TMEM245: variants seen among roughly 807,000 people sequenced by gnomAD.
TMEM245 encodes protein CG-2.
TMEM245 carries 69 observed loss-of-function variants against 101.2 expected under a neutral mutation model. That is an observed-to-expected ratio of 0.68 (90% CI 0.56 to 0.83). The LOEUF is 0.83. Among genes scored for constraint, TMEM245 ranks in the 40% least tolerant of loss-of-function variants. The pLI, the probability that TMEM245 is intolerant of heterozygous loss-of-function variation, is 0.00. For missense variants in TMEM245, 1,075 were observed against 1,092.8 expected (o/e 0.98, Z 0.23); for synonymous variants, 537 against 449.8 (o/e 1.19, Z -2.45).
Position 109,032,365 on chromosome 9 carries a change from C to CTTTTTTTTTTTTTTTTTTTTTTTT in TMEM245, c.2594+918_2594+941dup, listed in dbSNP as rs755399182. Among the ~76,000 whole-genome samples, 30 of 40,980 alleles carry CTTTTTTTTTTTTTTTTTTTTTTTT rather than the reference C, an allele frequency of 7.3e-4. 11 individuals are homozygous for CTTTTTTTTTTTTTTTTTTTTTTTT. The highest frequency in any genetic ancestry group is 0.04 in the Middle Eastern group (2 of 50). The allele number at this position is 40,980 out of a possible 152,430, so 26.9% of individuals were successfully genotyped here. On this transcript the variant is annotated intron_variant, in intron 17 of 17. Coordinates refer to ENST00000374586, the MANE Select transcript of TMEM245 (RefSeq NM_032012.4). ...GCATTTGGTTGTCCTATTTCTTTTC[C>CTTTTTTTTTTTTTTTTTTTTTTTT]TTTTTTTTTTTTTTTTTTTTTTTTT...
intron 17 of TMEM245, among the ~76,000 whole-genome samples, chr9:109,028,825 G>C (rs1351103451): frequency 6.6e-6 from 1 of 152,042 alleles, no homozygotes; most frequent in Non-Finnish European, 1.5e-5. Context: ...ACAACTACAA[G>C]GAAATGAATT....
chr9:109,106,360 C>G (rs1830424014), intron 3 of TMEM245, 148 bp downstream of exon 3: 1 of 460,626 alleles, frequency 2.2e-6, no homozygotes, highest in Non-Finnish European at 3.7e-6. Flanking sequence ...GTCTAACAAC[C>G]TAAAATATTT....
chr9:109,075,096 C>T (rs927385238), intron 8 of TMEM245, among the ~76,000 whole-genome samples: 2 of 152,162 alleles, frequency 1.3e-5, no homozygotes, highest in African/African-American at 4.8e-5. Flanking sequence ...AGGAACAATT[C>T]AAGAGAGAAC....
chr9:109,105,436 A>G (rs1342796352), intron 3 of TMEM245, among the ~76,000 whole-genome samples: 1 of 152,232 alleles, frequency 6.6e-6, no homozygotes, highest in Non-Finnish European at 1.5e-5. Flanking sequence ...TGTGGAAAAC[A>G]GTTTGGCAGT....
In TMEM245 at chr9:109,016,032, C is replaced by G. The variant is rs544126437; in HGVS notation, c.*4428G>C. 1.3e-5 allele frequency: 2 copies of G among 152,710 alleles called. No homozygotes were observed. The highest frequency in any genetic ancestry group is 4.8e-5 in the African/African-American group (2 of 41,560). The allele number at this position is 152,710 out of a possible 1,614,324, so 9.5% of individuals were successfully genotyped here. A position where few individuals can be genotyped will look rare whatever the true frequency, so the allele number is the denominator to read the frequency against. On this transcript the variant is annotated 3_prime_UTR_variant, in exon 18 of 18. Coordinates refer to ENST00000374586, the MANE Select transcript of TMEM245 (RefSeq NM_032012.4). ...ACTACATGGTACCACAGTAATAGATCTGCCATTCAGTATTTCCATTAGGGA... is the reference window on the plus strand; with the variant it reads ...ACTACATGGTACCACAGTAATAGATGTGCCATTCAGTATTTCCATTAGGGA...
At chr9:109,062,608 C>A (rs896897119) in intron 10 of TMEM245, among the ~76,000 whole-genome samples, 1 of 152,204 alleles carries the variant, frequency 6.6e-6, no homozygotes, top group Non-Finnish European at 1.5e-5. Context: ...TCAATGCAAA[C>A]GTATCTGTTC....
At position 109,028,732 on chromosome 9, in the gene TMEM245, C is replaced by T. The variant is rs139373289; in HGVS notation, c.2594+4575G>A. Among the ~76,000 whole-genome samples the T allele has an allele frequency of 7.4e-3, 1,127 of 152,194 alleles. 14 individuals carry two copies. The highest frequency in any genetic ancestry group is 0.026 in the African/African-American group (1,072 of 41,512). On this transcript the variant is annotated intron_variant, in intron 17 of 17. Coordinates refer to ENST00000374586, the MANE Select transcript of TMEM245 (RefSeq NM_032012.4). ...GACCAAAGTTAGAAAAATACTCTCCCGCTGGCCTTAAAGAAGCAAAAACCC... is the reference window on the plus strand; with the variant it reads ...GACCAAAGTTAGAAAAATACTCTCCTGCTGGCCTTAAAGAAGCAAAAACCC...
Position 109,018,472 on chromosome 9 carries a change from T to C in TMEM245, c.*1988A>G, listed in dbSNP as rs1049185944. The C allele has an allele frequency of 1.3e-5, 2 of 152,170 alleles. No individual in the cohort carries two copies. The highest frequency in any genetic ancestry group is 1.5e-5 in the Non-Finnish European group (1 of 68,024). The allele number at this position is 152,170 out of a possible 1,614,324, so 9.4% of individuals were successfully genotyped here. A position where few individuals can be genotyped will look rare whatever the true frequency, so the allele number is the denominator to read the frequency against. ...TGAGTTACTTAGTGACCAAATCTAA[T>C]ACTCAGTGGAATAGCTGATTATAAT... On this transcript the variant is annotated 3_prime_UTR_variant, in exon 18 of 18. Transcript: ENST00000374586.
At position 109,119,708 on chromosome 9, in the gene TMEM245, G is replaced by A; in HGVS notation, c.206C>T (p.Ala69Val). The A allele has an allele frequency of 1.3e-6, 2 of 1,549,898 alleles. No homozygotes were observed. Among genetic ancestry groups the A allele is most frequent in the African/African-American group, 2.8e-5 (2 of 71,740 alleles). ...AVLFVCLCCG[A>V]AVLVYFILEA... ...CAGGATGAAGTAGACCAGCACCGCG[G>A]CGCCGCAGCACAGGCACACGAACAG... The change falls in exon 1 of 18, where the codon GCC becomes GTC. Residue 69 changes from alanine to valine, a missense_variant. Around this residue, in one of 2 missense-constraint regions of TMEM245, gnomAD observed 808 missense variants for 741.5 expected, o/e 1.09. Transcript: ENST00000374586.
intron 1 of TMEM245, among the ~76,000 whole-genome samples, chr9:109,111,506 T>C (rs1050396288): frequency 5.9e-5 from 9 of 151,964 alleles, no homozygotes; most frequent in African/African-American, 2.2e-4. Context: ...ACAAGAAGCA[T>C]GTATTTTCAT....
At chr9:109,081,316 T>A (rs1471081886) in intron 7 of TMEM245, among the ~76,000 whole-genome samples, 3 of 152,164 alleles carry the variant, frequency 2.0e-5, no homozygotes, top group African/African-American at 7.2e-5. Context: ...GTATCATCAG[T>A]TTAACAAATA....
At position 109,119,707 on chromosome 9, in the gene TMEM245, G is replaced by A; in HGVS notation, c.207C>T (p.Ala69=). 2 of 1,549,894 alleles carry A rather than the reference G, an allele frequency of 1.3e-6. No homozygotes were observed. The highest frequency in any genetic ancestry group is 2.5e-5 in the East Asian group (1 of 40,372). The part of the protein sequence containing the change: ...AVLFVCLCCG[A]AVLVYFILEA... ...CCAGGATGAAGTAGACCAGCACCGC[G>A]GCGCCGCAGCACAGGCACACGAACA... Residue 69 remains alanine, a synonymous_variant, in exon 1 of 18, where the codon GCC becomes GCT. Transcript: ENST00000374586.
At chr9:109,100,045 AGTCT>A (rs1481758436) in intron 3 of TMEM245, among the ~76,000 whole-genome samples, 1 of 152,204 alleles carries the variant, frequency 6.6e-6, no homozygotes, top group East Asian at 1.9e-4. Flanking sequence ...TAAGTTTCCA[AGTCT>A]GTGTTACTCT....
chr9:109,037,477 G>A (rs1362375385), intron 15 of TMEM245, among the ~76,000 whole-genome samples: 1 of 152,184 alleles, frequency 6.6e-6, no homozygotes, highest in African/African-American at 2.4e-5. Context: ...CTGGTGAGAG[G>A]TGACTGGATC....
At chr9:109,082,866 C>T (rs888144777) in intron 7 of TMEM245, among the ~76,000 whole-genome samples, 1 of 151,624 alleles carries the variant, frequency 6.6e-6, no homozygotes, top group African/African-American at 2.4e-5. Flanking sequence ...ATTCAGTCAC[C>T]TAAATAAAAA....
At chr9:109,072,212 G>C (rs557521939) in intron 9 of TMEM245, among the ~76,000 whole-genome samples, 41 of 152,278 alleles carry the variant, frequency 2.7e-4, no homozygotes, top group African/African-American at 9.9e-4. Flanking sequence ...AGCAAGACCT[G>C]CTCTCTTATC....
At chr9:109,086,458 A>G (rs929219413) in intron 6 of TMEM245, among the ~76,000 whole-genome samples, 7 of 152,192 alleles carry the variant, frequency 4.6e-5, no homozygotes, top group Non-Finnish European at 8.8e-5. Flanking sequence ...TTTCTTGCTC[A>G]GTGCTGCCAC....
At chr9:109,024,053 C>A (rs1431081492) in intron 17 of TMEM245, among the ~76,000 whole-genome samples, 1 of 151,982 alleles carries the variant, frequency 6.6e-6, no homozygotes, top group African/African-American at 2.4e-5. Flanking sequence ...CACCCCCTAC[C>A]CTCTTCCCTC....
Position 109,072,493 on chromosome 9 carries a change from C to T in TMEM245, c.1532+863G>A, listed in dbSNP as rs370056286. Among the ~76,000 whole-genome samples, 142 of 152,318 alleles carry T rather than the reference C, an allele frequency of 9.3e-4. 3 individuals carry two copies. In the South Asian group the frequency reaches 0.026, roughly 28 times the overall value. On this transcript the variant is annotated intron_variant, in intron 9 of 17. Coordinates refer to ENST00000374586, the MANE Select transcript of TMEM245 (RefSeq NM_032012.4). The stretch of plus-strand genomic sequence containing the variant: ...AAACAGTGTGGAGACCAGAGCTCAG[C>T]GCCTTTTGCAGCCTCCATTATGCAA...
Sources: gnomAD v4.1 joint callset for allele counts (sites outside exome capture counted in the v4.1 genomes callset) on GRCh38, gnomAD v4.1.1 for gene constraint, gnomAD v4.1.1 regional missense constraint, MANE v1.5 for transcripts, NCBI Gene and HGNC (gene_info 2026-07-23, HGNC 2026-07-21) for gene names.